S100Z: variants seen among roughly 807,000 people sequenced by gnomAD.
S100Z encodes the protein S100 calcium binding protein Z.
S100Z carries 11 observed loss-of-function variants against 8.5 expected under a neutral mutation model. That is an observed-to-expected ratio of 1.30 (90% confidence interval 0.82 to 2.15). S100Z has a LOEUF of 2.15. Among genes scored for constraint, S100Z ranks in the 30% most tolerant of loss-of-function variants. S100Z has a pLI of 0.00. For missense variants in S100Z, 126 were observed against 117.9 expected (o/e 1.07, Z -0.32); for synonymous variants, 34 against 43.8 (o/e 0.78, Z 0.89).
chr5:76,938,641 A>C, the S100Z span, among the ~76,000 whole-genome samples: 4 of 152,184 alleles, frequency 2.6e-5, no homozygotes, highest in African/African-American at 9.7e-5. Context: ...GTAACCTAGG[A>C]AATCTTTACC....
At chr5:76,888,333 T>C (rs1176450745) in intron 4 of S100Z, among the ~76,000 whole-genome samples, 2 of 147,134 alleles carry the variant, frequency 1.4e-5, no homozygotes, top group African/African-American at 5.0e-5. Context: ...TGGGAAGTTT[T>C]CTTTTTTTTT....
chr5:76,928,897 G>A, the S100Z span, among the ~76,000 whole-genome samples: 2 of 152,212 alleles, frequency 1.3e-5, no homozygotes, highest in Admixed American at 1.3e-4. Context: ...GTGCCACCAT[G>A]CCCAGCTAAT....
intron 4 of S100Z, among the ~76,000 whole-genome samples, chr5:76,885,090 T>G (rs1163088443): frequency 1.3e-5 from 2 of 152,172 alleles, no homozygotes; most frequent in Admixed American, 6.5e-5. Flanking sequence ...TTAGAACCAT[T>G]GTCGAGCTTG....
chr5:76,871,642 C>T (rs545789949), intron 2 of S100Z, among the ~76,000 whole-genome samples: 2 of 151,994 alleles, frequency 1.3e-5, no homozygotes, highest in East Asian at 1.9e-4. Flanking sequence ...CCTGCTTCAG[C>T]CTCCTGAGTA....
chr5:76,883,280 G>A (rs1402298934), intron 4 of S100Z, among the ~76,000 whole-genome samples: 1 of 152,096 alleles, frequency 6.6e-6, no homozygotes, highest in Non-Finnish European at 1.5e-5. Flanking sequence ...GCTTTGAACT[G>A]GGGAAAAGGG....
intron 4 of S100Z, among the ~76,000 whole-genome samples, chr5:76,908,368 C>A (rs184848273): frequency 2.6e-5 from 4 of 152,302 alleles, no homozygotes; most frequent in Non-Finnish European, 4.4e-5. Flanking sequence ...ATCCTATCTA[C>A]CCTGACCCTT....
intron 1 of S100Z, among the ~76,000 whole-genome samples, chr5:76,865,720 G>T (rs1198266736): frequency 1.3e-5 from 2 of 151,770 alleles, no homozygotes; most frequent in Non-Finnish European, 2.9e-5. Flanking sequence ...AGCTTATAAA[G>T]CTAGAATGTT....
intron 1 of S100Z, among the ~76,000 whole-genome samples, chr5:76,865,645 C>G (rs1017518082): frequency 3.3e-5 from 5 of 151,830 alleles, no homozygotes; most frequent in African/African-American, 4.8e-5. Flanking sequence ...AATTGTACAG[C>G]TGTACAGTGT....
chr5:76,907,594 C>T (rs976989757), intron 4 of S100Z, among the ~76,000 whole-genome samples: 6 of 152,164 alleles, frequency 3.9e-5, no homozygotes, highest in Non-Finnish European at 8.8e-5. Context: ...TGAGCCACTG[C>T]GCCCAGCTGC....
intron 4 of S100Z, among the ~76,000 whole-genome samples, chr5:76,890,854 T>C (rs1389680084): frequency 1.3e-5 from 2 of 152,096 alleles, no homozygotes; most frequent in Non-Finnish European, 2.9e-5. Context: ...GATTTTTCAG[T>C]TTCTTCTTTT....
intron 1 of S100Z, among the ~76,000 whole-genome samples, chr5:76,851,287 A>G (rs1306846769): frequency 6.6e-6 from 1 of 152,206 alleles, no homozygotes; most frequent in African/African-American, 2.4e-5. Context: ...AGATTTAGCC[A>G]GGGGATGGCA....
At chr5:76,860,407 A>G (rs1579993259) in intron 1 of S100Z, among the ~76,000 whole-genome samples, 1 of 152,110 alleles carries the variant, frequency 6.6e-6, no homozygotes, top group African/African-American at 2.4e-5. Context: ...GAAGGGAGCT[A>G]TAGATAGAGT....
chr5:76,883,737 G>A (rs537746388), intron 4 of S100Z, among the ~76,000 whole-genome samples: 1 of 152,358 alleles, frequency 6.6e-6, no homozygotes, highest in African/African-American at 2.4e-5. Flanking sequence ...TGCCAGGTGA[G>A]TTGGACAGTC....
chr5:76,886,759 T>A (rs147987841), intron 4 of S100Z, among the ~76,000 whole-genome samples: 6 of 152,074 alleles, frequency 3.9e-5, no homozygotes, highest in Non-Finnish European at 1.5e-5. Flanking sequence ...TAGGAGCAAT[T>A]TTTTGCAGGC....
intron 4 of S100Z, among the ~76,000 whole-genome samples, chr5:76,918,575 G>T (rs1744930616): frequency 6.6e-6 from 1 of 152,190 alleles, no homozygotes; most frequent in South Asian, 2.1e-4. Flanking sequence ...GTAAAGTTTA[G>T]TGGATACACA....
the S100Z span, among the ~76,000 whole-genome samples, chr5:76,941,101 G>A: frequency 6.6e-6 from 1 of 152,092 alleles, no homozygotes; most frequent in African/African-American, 2.4e-5. Flanking sequence ...GGTTTAATTG[G>A]CTCACCGTTC....
chr5:76,917,630 C>T (rs1282733590), intron 4 of S100Z, among the ~76,000 whole-genome samples: 4 of 152,126 alleles, frequency 2.6e-5, no homozygotes, highest in Non-Finnish European at 5.9e-5. Flanking sequence ...CGAGACCAGC[C>T]TGGCCAACAT....
At chr5:76,945,829 C>T in the S100Z span, among the ~76,000 whole-genome samples, 6 of 152,120 alleles carry the variant, frequency 3.9e-5, no homozygotes, top group East Asian at 1.9e-4. Flanking sequence ...TGTTAAGTGC[C>T]GGTCTCCTGG....
At chr5:76,931,302 A>G in the S100Z span, among the ~76,000 whole-genome samples, 1 of 151,944 alleles carries the variant, frequency 6.6e-6, no homozygotes, top group African/African-American at 2.4e-5. Flanking sequence ...TTGTAGAGAC[A>G]GGGTTTCACT....
Sources: allele counts gnomAD v4.1 joint callset (sites outside exome capture counted in the v4.1 genomes callset), GRCh38; gene constraint gnomAD v4.1.1; transcripts MANE v1.5; gene names NCBI Gene and HGNC (gene_info 2026-07-23, HGNC 2026-07-21).